Variants in FLI1 observed in about 807,000 individuals in gnomAD.
The protein encoded by FLI1 is Friend leukemia integration 1 transcription factor.
Under a neutral mutation model 53.1 loss-of-function variants are expected in FLI1, and 13 were observed. That is an observed-to-expected ratio of 0.24 (90% CI 0.16 to 0.39). FLI1 has a LOEUF of 0.39. Ranked by LOEUF, FLI1 falls within the 10% of genes least tolerant of loss-of-function variation. The pLI, the probability that FLI1 is intolerant of heterozygous loss-of-function variation, is 1.00. For missense variants in FLI1, 424 were observed against 600.5 expected (o/e 0.71, Z 3.07); for synonymous variants, 244 against 236.7 (o/e 1.03, Z -0.28).
chr11:128,732,549 G>A (rs894244808), intron 1 of FLI1, among the ~76,000 whole-genome samples: 2 of 152,178 alleles, frequency 1.3e-5, no homozygotes, highest in African/African-American at 4.8e-5. Flanking sequence ...TTTTGCATAG[G>A]TGAATATCTA....
rs595677 is a variant in FLI1 at position 128,758,528 on chromosome 11, C to A, written c.230+202C>A. Among the ~76,000 whole-genome samples the A allele has an allele frequency of 0.32, 49,031 of 152,050 alleles. 8,205 individuals carry two copies. Among genetic ancestry groups the A allele is most frequent in the Admixed American group, 0.43 (6,532 of 15,288 alleles). On this transcript the variant is annotated intron_variant, in intron 2 of 8. Transcript: ENST00000527786. The stretch of plus-strand genomic sequence containing the variant: ...GGAGTAGGGCTAGGAAGCCCCCCTG[C>A]CTCTCTGGGGCCCACGAAGCCCTCA...
intron 1 of FLI1, among the ~76,000 whole-genome samples, chr11:128,709,483 A>G (rs1938695485): frequency 1.3e-5 from 2 of 152,176 alleles, no homozygotes; most frequent in African/African-American, 2.4e-5. Context: ...CTACAAATGC[A>G]CAAGTACAGA....
intron 5 of FLI1, among the ~76,000 whole-genome samples, chr11:128,800,807 T>C (rs1366314770): frequency 6.6e-6 from 1 of 152,238 alleles, no homozygotes. Flanking sequence ...TTCTCCAGAC[T>C]GAGGCTCCGG....
chr11:128,794,116 G>A (rs1005260561), intron 5 of FLI1, among the ~76,000 whole-genome samples: 4 of 152,164 alleles, frequency 2.6e-5, no homozygotes, highest in South Asian at 4.1e-4. Flanking sequence ...GACACTACAC[G>A]CTCATCCCAC....
intron 1 of FLI1, among the ~76,000 whole-genome samples, chr11:128,756,546 G>A (rs1940866569): frequency 6.6e-6 from 1 of 152,152 alleles, no homozygotes; most frequent in Non-Finnish European, 1.5e-5. Flanking sequence ...CCTAACAGGT[G>A]GCCTAAGAGA....
chr11:128,685,576 C>A (rs1865786132), upstream of FLI1, among the ~76,000 whole-genome samples: 1 of 151,434 alleles, frequency 6.6e-6, no homozygotes, highest in African/African-American at 2.4e-5. Context: ...TGTAGGGGAC[C>A]GGTGGGGTCG....
chr11:128,796,031 A>G (rs1301174770), intron 5 of FLI1, among the ~76,000 whole-genome samples: 1 of 152,184 alleles, frequency 6.6e-6, no homozygotes, highest in African/African-American at 2.4e-5. Flanking sequence ...AGGTTAAGTC[A>G]TTTGCCTCAG....
intron 3 of FLI1, among the ~76,000 whole-genome samples, chr11:128,771,046 C>G (rs933977190): frequency 6.6e-6 from 1 of 152,194 alleles, no homozygotes; most frequent in South Asian, 2.1e-4. Flanking sequence ...TATTGGAACC[C>G]CAGCCCAGAT....
chr11:128,777,928 C>G (rs748588477), intron 4 of FLI1, among the ~76,000 whole-genome samples: 3 of 152,198 alleles, frequency 2.0e-5, no homozygotes, highest in African/African-American at 7.2e-5. Flanking sequence ...GGTTCTACCC[C>G]ACACCTGCAA....
chr11:128,710,313 T>C lies in FLI1; in HGVS notation c.18+16037T>C, dbSNP rs545635743. On this transcript the variant is annotated intron_variant, in intron 1 of 8. Coordinates refer to ENST00000527786, the MANE Select transcript of FLI1 (RefSeq NM_002017.5). ...TAAGTGCTCATTCAGACATTTAGTA[T>C]TAAAATGATGAACTTCTTTTGCAAT... Among the ~76,000 whole-genome samples the C allele has an allele frequency of 2.6e-5, 4 of 152,320 alleles. No individual in the cohort carries two copies. The East Asian group carries it at 7.7e-4, about 29-fold the overall frequency.
chr11:128,763,345 C>T (rs1338503962), intron 2 of FLI1, among the ~76,000 whole-genome samples: 1 of 152,146 alleles, frequency 6.6e-6, no homozygotes, highest in South Asian at 2.1e-4. Flanking sequence ...CTCTGTTAGG[C>T]TGGGTTGCCT....
rs191431552 is a variant in FLI1 at position 128,754,314 on chromosome 11, G to A, written c.19-3801G>A. Among the ~76,000 whole-genome samples, 424 of 151,270 alleles carry A rather than the reference G, an allele frequency of 2.8e-3. 6 individuals carry two copies. Among genetic ancestry groups the A allele is most frequent in the African/African-American group, 9.7e-3 (401 of 41,148 alleles). On this transcript the variant is annotated intron_variant, in intron 1 of 8. Transcript: ENST00000527786. ...ACCCAAAGCAGTATTCTCACGAGCT[G>A]TTAACAGCTCAAAGGAGTCATAGGT...
chr11:128,770,758 C>T (rs915308704), intron 3 of FLI1, among the ~76,000 whole-genome samples: 1 of 152,232 alleles, frequency 6.6e-6, no homozygotes, highest in Non-Finnish European at 1.5e-5. Flanking sequence ...TAATCCAACT[C>T]TCCCGAGGAT....
At chr11:128,782,277 C>T (rs1941939684) in intron 5 of FLI1, among the ~76,000 whole-genome samples, 1 of 152,138 alleles carries the variant, frequency 6.6e-6, no homozygotes, top group African/African-American at 2.4e-5. Context: ...AAACATGTTA[C>T]TTTTAGAAAA....
chr11:128,753,975 C>G (rs77458873), intron 1 of FLI1, among the ~76,000 whole-genome samples: 7,130 of 152,306 alleles, frequency 0.047, 246 homozygotes, highest in Non-Finnish European at 0.072. Flanking sequence ...TGCTCTCCTC[C>G]CCAACTCTGC....
intron 1 of FLI1, among the ~76,000 whole-genome samples, chr11:128,729,799 T>C (rs1308888952): frequency 6.6e-6 from 1 of 152,228 alleles, no homozygotes; most frequent in Non-Finnish European, 1.5e-5. Flanking sequence ...CTGGTGGGAC[T>C]GTGGAGATGG....
In FLI1 at chr11:128,800,569, G is replaced by A. The variant is rs181623857; in HGVS notation, c.656-4797G>A. 1.1e-3 allele frequency among the ~76,000 whole-genome samples: 174 copies of A among 152,276 alleles called. 1 individual carries two copies. The highest frequency in any genetic ancestry group is 3.7e-3 in the African/African-American group (155 of 41,566). On this transcript the variant is annotated intron_variant, in intron 5 of 8. Transcript: ENST00000527786. The stretch of plus-strand genomic sequence containing the variant: ...TTCACACAGAAGCTAAGTTAACATT[G>A]GTATGTCTATGAGAGGGTCATGTCC...
intron 5 of FLI1, among the ~76,000 whole-genome samples, chr11:128,793,235 T>C (rs1284500372): frequency 1.3e-5 from 2 of 151,994 alleles, no homozygotes; most frequent in African/African-American, 4.8e-5. Context: ...GTTTCATGGG[T>C]AATCCTCTGC....
chr11:128,783,571 T>C (rs771357092), intron 5 of FLI1, among the ~76,000 whole-genome samples: 1 of 152,220 alleles, frequency 6.6e-6, no homozygotes, highest in Non-Finnish European at 1.5e-5. Context: ...AGATTTCACT[T>C]TTTGACCTAT....
Sources: allele counts gnomAD v4.1 joint callset (sites outside exome capture counted in the v4.1 genomes callset), GRCh38; gene constraint gnomAD v4.1.1; transcripts MANE v1.5; gene names NCBI Gene and HGNC (gene_info 2026-07-23, HGNC 2026-07-21).